Variants in PNPLA6 observed in about 807,000 individuals in gnomAD.
PNPLA6 encodes the protein patatin like domain 6, lysophospholipase, also known as patatin-like phospholipase domain-containing protein 6.
PNPLA6 carries 105 observed loss-of-function variants against 153.7 expected under a neutral mutation model. The observed-to-expected ratio is 0.68, with a 90% CI of 0.58 to 0.80. The LOEUF is 0.80. Among genes scored for constraint, PNPLA6 ranks in the 30% least tolerant of loss-of-function variants. The probability of loss-of-function intolerance (pLI) is 0.00; values close to 1 mark genes in which losing one functional copy is unlikely to be tolerated. For missense variants in PNPLA6, 1,423 were observed against 1,919.3 expected (o/e 0.74, Z 4.83); for synonymous variants, 825 against 822.2 (o/e 1.00, Z -0.06).
At position 7,554,006 on chromosome 19, in the gene PNPLA6, C is replaced by T; in HGVS notation, c.2392C>T (p.Gln798Ter). The T allele has an allele frequency of 6.2e-7, 1 of 1,610,466 alleles. No individual in the cohort carries two copies. Among genetic ancestry groups the T allele is most frequent in the Non-Finnish European group, 8.5e-7 (1 of 1,179,434 alleles). Residue 798 changes from glutamine to a stop codon, truncating the protein, a stop_gained, in exon 19 of 32, where the codon CAG becomes TAG. Coordinates refer to ENST00000600737, the MANE Select transcript of PNPLA6 (RefSeq NM_001166114.2). LOFTEE classifies it high-confidence loss of function. ...AFTLELQHALQAIGPTLLLNS... is the reference protein window; with the variant it reads ...AFTLELQHAL Reference sequence around the variant, plus strand: ...CACGCTGGAGCTGCAGCACGCCCTGCAGGCCATCGGTCAGTGGGGTGAGGG... The same window carrying T: ...CACGCTGGAGCTGCAGCACGCCCTGTAGGCCATCGGTCAGTGGGGTGAGGG...
chr19:7,536,003 G>C lies in PNPLA6; in HGVS notation c.215G>C (p.Arg72Pro). Residue 72 changes from arginine to proline, a missense_variant, in exon 1 of 32, where the codon CGG becomes CCG. Arg to Pro is a moderately radical substitution (Grantham distance 103, BLOSUM62 -2). Around this residue, in one of 10 missense-constraint regions of PNPLA6, gnomAD observed 109 missense variants for 109.4 expected, o/e 1.00. Transcript: ENST00000600737. ...VTAVLILLVVRRLRVPKTPAP... is the reference protein window; with the variant it reads ...VTAVLILLVVPRLRVPKTPAP... ...GCCGTGCTCATCCTCCTGGTGGTGC[G>C]GAGGCTGCGAGTGCCAAGTGAGCAC... The C allele has an allele frequency of 6.3e-7, 1 of 1,576,766 alleles. No homozygotes were observed. Among genetic ancestry groups the C allele is most frequent in the Non-Finnish European group, 8.6e-7 (1 of 1,162,612 alleles).
At position 7,560,752 on chromosome 19, in the gene PNPLA6, C is replaced by T. The variant is rs1284366966; in HGVS notation, c.3804C>T (p.Ser1268=). 2.5e-6 allele frequency: 4 copies of T among 1,605,234 alleles called. No homozygotes were observed. Among genetic ancestry groups the T allele is most frequent in the Non-Finnish European group, 2.6e-6 (3 of 1,172,092 alleles). The change falls in exon 29 of 32, where the codon AGC becomes AGT. Residue 1268 remains serine, a synonymous_variant. Coordinates refer to ENST00000600737, the MANE Select transcript of PNPLA6 (RefSeq NM_001166114.2). ...GGCGGTCTACAGACCTTAATGAGAG[C>T]CGCCGTGCAGACGTAAGCCTGTGAT... is the stretch of plus-strand genomic sequence containing the variant. ...TDRRSTDLNE[S]RRADVLAFPS... is the part of the protein sequence containing the mutation.
chr19:7,555,832 G>C lies in PNPLA6; in HGVS notation c.3093+69G>C. On this transcript the variant is annotated intron_variant, in intron 24 of 31. Coordinates refer to ENST00000600737, the MANE Select transcript of PNPLA6 (RefSeq NM_001166114.2). The surrounding 1 kb of genome is among the most constrained non-coding windows in gnomAD (Gnocchi z 6.3). ...AAAACCCGTGGTTCCAACCTAACCT[G>C]ATCCCATGGGGGAGCCTCCGGGGTC... 6.5e-7 allele frequency: 1 copy of C among 1,538,198 alleles called. No homozygotes were observed. The highest frequency in any genetic ancestry group is 8.9e-7 in the Non-Finnish European group (1 of 1,120,620).
chr19:7,561,761 G>A lies in PNPLA6; in HGVS notation c.*199G>A, dbSNP rs1568426294. On this transcript the variant is annotated 3_prime_UTR_variant, in exon 32 of 32. Coordinates refer to ENST00000600737, the MANE Select transcript of PNPLA6 (RefSeq NM_001166114.2). ...CCTCCCCCAATAAACTCGCCTCTTGGAAATGGCTTCCTGTCGTTTTCGGAC... is the reference window on the plus strand; with the variant it reads ...CCTCCCCCAATAAACTCGCCTCTTGAAAATGGCTTCCTGTCGTTTTCGGAC... The A allele has an allele frequency of 2.9e-6, 2 of 700,084 alleles. No individual in the cohort carries two copies. Among genetic ancestry groups the A allele is most frequent in the Non-Finnish European group, 2.6e-6 (1 of 383,698 alleles). The allele number at this position is 700,084 out of a possible 1,614,324, so 43.4% of individuals were successfully genotyped here.
chr19:7,535,086 G>C (rs143909165), upstream of PNPLA6: 437 of 209,654 alleles, frequency 2.1e-3, 4 homozygotes, highest in African/African-American at 9.2e-3. The surrounding 1 kb of genome is among the most constrained non-coding windows in gnomAD (Gnocchi z 5.0). Context: ...TAGGGGGTGC[G>C]GCCTGGGGGG....
chr19:7,545,281 C>T lies in PNPLA6; in HGVS notation c.1608+2197C>T, dbSNP rs191692281. Among the ~76,000 whole-genome samples, 121 of 152,208 alleles carry T rather than the reference C, an allele frequency of 7.9e-4. 1 individual carries two copies. The highest frequency in any genetic ancestry group is 6.8e-3 in the Middle Eastern group (2 of 294). ...GCCTCAAGTGATCCACTCGCCTCAG[C>T]CTCCCAAAGTGCTGGGATTACAGGC... On this transcript the variant is annotated intron_variant, in intron 13 of 31. Transcript: ENST00000600737.
chr19:7,546,186 T>G (rs1426848538), intron 13 of PNPLA6, among the ~76,000 whole-genome samples: 2 of 152,010 alleles, frequency 1.3e-5, no homozygotes, highest in African/African-American at 4.8e-5. Flanking sequence ...GAAGAGCTTG[T>G]GCAAATGTTG....
In PNPLA6 at chr19:7,556,350, C is replaced by T. The variant is rs912090778; in HGVS notation, c.3094-103C>T. The T allele has an allele frequency of 1.4e-5, 11 of 797,818 alleles. No homozygotes were observed. In the African/African-American group the frequency reaches 1.8e-4, roughly 13 times the overall value. The allele number at this position is 797,818 out of a possible 1,614,324, so 49.4% of individuals were successfully genotyped here. A position where few individuals can be genotyped will look rare whatever the true frequency, so the allele number is the denominator to read the frequency against. ...GTGCTGGGATTACCAGTGTGAGCCG[C>T]TGCACCTGGCCCCTAAGTGCTGCTT... is the stretch of plus-strand genomic sequence containing the variant. On this transcript the variant is annotated intron_variant, in intron 24 of 31. Transcript: ENST00000600737.
Position 7,555,867 on chromosome 19 carries a change from C to T in PNPLA6, c.3093+104C>T, listed in dbSNP as rs887322267. The T allele has an allele frequency of 4.9e-6, 6 of 1,222,020 alleles. No homozygotes were observed. The highest frequency in any genetic ancestry group is 4.4e-5 in the African/African-American group (3 of 67,750). The allele number at this position is 1,222,020 out of a possible 1,614,324, so 75.7% of individuals were successfully genotyped here. A position where few individuals can be genotyped will look rare whatever the true frequency, so the allele number is the denominator to read the frequency against. ...GGGAGCCTCCGGGGTCAGGGTGACC[C>T]TTCCTGATTAAATCTATGATCCCCA... On this transcript the variant is annotated intron_variant, in intron 24 of 31. Transcript: ENST00000600737. This position sits in a 1 kb window ranked among gnomAD's most constrained non-coding sequence, Gnocchi z 6.3.
At position 7,555,891 on chromosome 19, in the gene PNPLA6, C is replaced by T. The variant is rs1283021642; in HGVS notation, c.3093+128C>T. ...CCTTCCTGATTAAATCTATGATCCC[C>T]AGCTGTCCGGACTTTTATAGATAAG... On this transcript the variant is annotated intron_variant, in intron 24 of 31. Transcript: ENST00000600737. The surrounding 1 kb of genome is among the most constrained non-coding windows in gnomAD (Gnocchi z 6.3). 2.0e-6 allele frequency: 2 copies of T among 1,003,152 alleles called. No individual in the cohort carries two copies. The highest frequency in any genetic ancestry group is 1.6e-5 in the African/African-American group (1 of 62,752). The allele number at this position is 1,003,152 out of a possible 1,614,324, so 62.1% of individuals were successfully genotyped here.
Position 7,539,976 on chromosome 19 carries a change from G to T in PNPLA6, c.472G>T (p.Val158Leu). ...TLQRKEPPPA[V>L]LEADLTEGDL... ...GCAGCGGAAGGAGCCCCCGCCCGCA[G>T]TGCTAGAAGCTGACCTGACCGAGGG... Residue 158 changes from valine (V) to leucine (L), a missense_variant, in exon 4 of 32, where the codon GTG (valine) becomes TTG (leucine). Transcript: ENST00000600737. The T allele has an allele frequency of 6.3e-7, 1 of 1,583,832 alleles. No individual in the cohort carries two copies. The highest frequency in any genetic ancestry group is 8.6e-7 in the Non-Finnish European group (1 of 1,165,134).
At position 7,548,119 on chromosome 19, in the gene PNPLA6, T is replaced by C. The variant is rs2023467458; in HGVS notation, c.1609-1788T>C. The stretch of plus-strand genomic sequence containing the variant: ...CCAGCACTTTGAGAGGCCAAGGCGG[T>C]TGGATCACTGAGGTCAGGAGTTCAA... On this transcript the variant is annotated intron_variant, in intron 13 of 31. Coordinates refer to ENST00000600737, the MANE Select transcript of PNPLA6 (RefSeq NM_001166114.2). Among the ~76,000 whole-genome samples, 3 of 151,600 alleles carry C rather than the reference T, an allele frequency of 2.0e-5. No homozygotes were observed. In the South Asian group the frequency reaches 6.3e-4, roughly 32 times the overall value.
At chr19:7,557,469 G>A (rs2023932940) in intron 27 of PNPLA6, 185 bp downstream of exon 27, 1 of 661,720 alleles carries the variant, frequency 1.5e-6, no homozygotes, top group Admixed American at 2.1e-5. Flanking sequence ...TGTGCCTGTG[G>A]ACAGCGACAT....
chr19:7,539,998 A>G lies in PNPLA6; in HGVS notation c.494A>G (p.Glu165Gly). The stretch of plus-strand genomic sequence containing the variant: ...GCAGTGCTAGAAGCTGACCTGACCG[A>G]GGGCGACCTGGCTAACTCCCATCTG... Reference protein sequence around the residue: ...PPAVLEADLTEGDLANSHLPS... With the variant: ...PPAVLEADLTGGDLANSHLPS... The change falls in exon 4 of 32, where the codon GAG becomes GGG. Residue 165 changes from glutamate (E) to glycine (G), a missense_variant. Around this residue, in one of 10 missense-constraint regions of PNPLA6, gnomAD observed 74 missense variants for 171.3 expected, o/e 0.43. Coordinates refer to ENST00000600737, the MANE Select transcript of PNPLA6 (RefSeq NM_001166114.2). 1 of 1,598,832 alleles carries G rather than the reference A, an allele frequency of 6.3e-7. No individual in the cohort carries two copies. The highest frequency in any genetic ancestry group is 8.5e-7 in the Non-Finnish European group (1 of 1,172,772).
chr19:7,542,129 C>CGCCT, intron 10 of PNPLA6, 62 bp downstream of exon 10: 1 of 1,315,628 alleles, frequency 7.6e-7, no homozygotes, highest in East Asian at 2.3e-5. Context: ...CCAGGTCCAC[C>CGCCT]GCCTGCCTGT....
intron 13 of PNPLA6, among the ~76,000 whole-genome samples, chr19:7,546,706 G>A (rs1248156609): frequency 6.6e-6 from 1 of 152,114 alleles, no homozygotes; most frequent in Non-Finnish European, 1.5e-5. Flanking sequence ...ACTGCACCCG[G>A]CCTTATGTAA....
At chr19:7,545,927 A>G (rs1457467804) in intron 13 of PNPLA6, among the ~76,000 whole-genome samples, 2 of 151,524 alleles carry the variant, frequency 1.3e-5, no homozygotes, top group African/African-American at 4.8e-5. Flanking sequence ...AAAAAAAAAA[A>G]AAAGTGGGCA....
In PNPLA6 at chr19:7,541,363, G is replaced by T; in HGVS notation, c.934G>T (p.Val312Leu). ...CCCTCGAGCCCTGCAGATCATCATG[G>T]TGCGGCTGCAGCGAGTCACCTTCCT... ...SLVRVVQIIM[V>L]RLQRVTFLAL... The change falls in exon 8 of 32, where the codon GTG (valine) becomes TTG (leucine). Residue 312 changes from valine (V) to leucine (L), a missense_variant. Physicochemically the swap from Val to Leu is conservative, Grantham distance 32 (BLOSUM62 1). Around this residue, in one of 10 missense-constraint regions of PNPLA6, gnomAD observed 118 missense variants for 158.8 expected, o/e 0.74. Coordinates refer to ENST00000600737, the MANE Select transcript of PNPLA6 (RefSeq NM_001166114.2). This position sits in a 1 kb window ranked among gnomAD's most constrained non-coding sequence, Gnocchi z 5.2. 3 of 1,613,824 alleles carry T rather than the reference G, an allele frequency of 1.9e-6. No individual in the cohort carries two copies. Among genetic ancestry groups the T allele is most frequent in the Non-Finnish European group, 2.5e-6 (3 of 1,179,884 alleles).
chr19:7,555,893 G>C lies in PNPLA6; in HGVS notation c.3093+130G>C. On this transcript the variant is annotated intron_variant, in intron 24 of 31. Transcript: ENST00000600737. This position sits in a 1 kb window ranked among gnomAD's most constrained non-coding sequence, Gnocchi z 6.3. ...TTCCTGATTAAATCTATGATCCCCA[G>C]CTGTCCGGACTTTTATAGATAAGCT... The C allele has an allele frequency of 1.0e-6, 1 of 990,280 alleles. No individual in the cohort carries two copies. Among genetic ancestry groups the C allele is most frequent in the South Asian group, 1.4e-5 (1 of 73,574 alleles). 61.3% of individuals were successfully genotyped at this position (990,280 alleles called of 1,614,324 possible).
Sources: gnomAD v4.1 joint callset for allele counts (sites outside exome capture counted in the v4.1 genomes callset) on GRCh38, gnomAD v4.1.1 for gene constraint, gnomAD v4.1.1 regional missense constraint, Gnocchi (gnomAD v3.1) non-coding constraint, MANE v1.5 for transcripts, NCBI Gene and HGNC (gene_info 2026-07-23, HGNC 2026-07-21) for gene names.